Variants in LTBP1 observed in about 807,000 individuals in gnomAD.
The protein encoded by LTBP1 is latent-transforming growth factor beta-binding protein 1.
In LTBP1, 129 loss-of-function variants were observed where a neutral mutation model predicts 207.6. The observed-to-expected ratio is 0.62, with a 90% CI of 0.54 to 0.72. The LOEUF is 0.72. Ranked by LOEUF, LTBP1 falls within the 30% of genes least tolerant of loss-of-function variation. The pLI, the probability that LTBP1 is intolerant of heterozygous loss-of-function variation, is 0.00. For missense variants in LTBP1, 2,281 were observed against 2,217.2 expected (o/e 1.03, Z -0.58); for synonymous variants, 963 against 833.7 (o/e 1.16, Z -2.67).
intron 31 of LTBP1, among the ~76,000 whole-genome samples, chr2:33,380,414 T>TAA (rs147323558): frequency 2.4e-4 from 22 of 92,528 alleles, no homozygotes; most frequent in African/African-American, 9.7e-4. Context: ...CTGTTTCTAC[T>TAA]AAAAAAATAC....
chr2:33,312,161 C>T (rs1413384075), intron 23 of LTBP1, among the ~76,000 whole-genome samples: 2 of 152,190 alleles, frequency 1.3e-5, no homozygotes, highest in Non-Finnish European at 1.5e-5. Context: ...TCTCTAATCC[C>T]TTGATCATGT....
chr2:33,294,652 C>T (rs1396312406), intron 20 of LTBP1, among the ~76,000 whole-genome samples: 2 of 145,026 alleles, frequency 1.4e-5, no homozygotes, highest in Admixed American at 1.4e-4. Context: ...GATCTTGGCT[C>T]ACTGCAACCT....
intron 24 of LTBP1, among the ~76,000 whole-genome samples, chr2:33,330,752 C>G (rs1182091473): frequency 1.4e-5 from 2 of 146,204 alleles, no homozygotes; most frequent in East Asian, 2.0e-4. Context: ...TACAGGGACC[C>G]AGACAATATC....
In LTBP1 at chr2:32,947,596, G is replaced by A; in HGVS notation, c.272G>A (p.Gly91Asp). The change falls in exon 1 of 34, where the codon GGC (glycine) becomes GAC (aspartate). Residue 91 changes from glycine to aspartate, a missense_variant. Physicochemically the swap from Gly to Asp is moderately conservative, Grantham distance 94. Around this residue, in one of 3 missense-constraint regions of LTBP1, gnomAD observed 555 missense variants for 491.0 expected, o/e 1.13. Coordinates refer to ENST00000404816, the MANE Select transcript of LTBP1 (RefSeq NM_206943.4). ...AGGACCCGGCGCACGAGCAAGCCGGGCGGCGCGGCCCTGCAGGGGCTCAGA... is the reference window on the plus strand; with the variant it reads ...AGGACCCGGCGCACGAGCAAGCCGGACGGCGCGGCCCTGCAGGGGCTCAGA... ...SERTRRTSKPGGAALQGLRPP... is the reference protein window; with the variant it reads ...SERTRRTSKPDGAALQGLRPP... 2.3e-6 allele frequency: 3 copies of A among 1,311,854 alleles called. No homozygotes were observed. The highest frequency in any genetic ancestry group is 2.9e-6 in the Non-Finnish European group (3 of 1,034,878). The allele number at this position is 1,311,854 out of a possible 1,614,324, so 81.3% of individuals were successfully genotyped here. A position where few individuals can be genotyped will look rare whatever the true frequency, so the allele number is the denominator to read the frequency against.
At chr2:33,228,697 C>CTTTTTT (rs1244221993) in intron 9 of LTBP1, among the ~76,000 whole-genome samples, 2,755 of 98,862 alleles carry the variant, frequency 0.028, 560 homozygotes, top group Middle Eastern at 0.11. Context: ...GGGTTATACC[C>CTTTTTT]TTTTTTTTTT....
intron 9 of LTBP1, among the ~76,000 whole-genome samples, chr2:33,234,885 A>G (rs1486023250): frequency 6.6e-6 from 1 of 152,174 alleles, no homozygotes; most frequent in Non-Finnish European, 1.5e-5. Context: ...CTCACACATT[A>G]TACAAAAATT....
At chr2:33,168,356 A>G (rs1456614363) in intron 5 of LTBP1, among the ~76,000 whole-genome samples, 1 of 150,154 alleles carries the variant, frequency 6.7e-6, no homozygotes, top group East Asian at 2.0e-4. Flanking sequence ...ACTGCACTCT[A>G]GCCTGAGGGA....
chr2:33,212,227 G>A (rs1054156640), intron 7 of LTBP1, among the ~76,000 whole-genome samples: 2 of 152,204 alleles, frequency 1.3e-5, no homozygotes, highest in Admixed American at 1.3e-4. Context: ...AGTGTTCCAG[G>A]AATCATGACC....
At chr2:33,342,099 C>A (rs2094634293) in intron 24 of LTBP1, among the ~76,000 whole-genome samples, 1 of 152,060 alleles carries the variant, frequency 6.6e-6, no homozygotes. Flanking sequence ...AAGAAGAATT[C>A]TATCTAAAAG....
At chr2:33,043,370 G>A (rs947070523) in intron 3 of LTBP1, among the ~76,000 whole-genome samples, 5 of 151,728 alleles carry the variant, frequency 3.3e-5, no homozygotes, top group Non-Finnish European at 5.9e-5. Flanking sequence ...TCCTGATTAT[G>A]TAACTATAAT....
At chr2:33,150,438 C>G (rs1481184738) in intron 5 of LTBP1, among the ~76,000 whole-genome samples, 1 of 152,018 alleles carries the variant, frequency 6.6e-6, no homozygotes, top group Non-Finnish European at 1.5e-5. Flanking sequence ...ATTATTTAAG[C>G]TGTTTTTAAA....
chr2:32,959,597 G>GTATGTGTATA (rs1553344613), intron 2 of LTBP1, among the ~76,000 whole-genome samples: 12 of 58,324 alleles, frequency 2.1e-4, no homozygotes, highest in African/African-American at 5.4e-4. Context: ...ATATGTACGT[G>GTATGTGTATA]TATATATATA....
chr2:33,309,335 A>ATTTAT, intron 22 of LTBP1, 99 bp from the exon 23 acceptor site: 2 of 767,528 alleles, frequency 2.6e-6, no homozygotes, highest in Admixed American at 6.8e-5. Context: ...TATGTATTAT[A>ATTTAT]AATGATGTAA....
rs571184242 is a variant in LTBP1 at position 32,947,787 on chromosome 2, C to T, written c.463C>T (p.Leu155=). 4.3e-5 allele frequency: 64 copies of T among 1,487,220 alleles called. No individual in the cohort carries two copies. Among genetic ancestry groups the T allele is most frequent in the Non-Finnish European group, 5.7e-5 (64 of 1,115,118 alleles). The allele number at this position is 1,487,220 out of a possible 1,614,324, so 92.1% of individuals were successfully genotyped here. A position where few individuals can be genotyped will look rare whatever the true frequency, so the allele number is the denominator to read the frequency against. The change falls in exon 1 of 34, where the codon CTG becomes TTG. Residue 155 remains leucine, a synonymous_variant. Transcript: ENST00000404816. The part of the protein sequence containing the change: ...QETQSGGGSR[L]QVHQKQQLQG... ...GACCCAGAGCGGCGGAGGCTCTAGG[C>T]TGCAGGTTCACCAGAAGCAGCAGCT...
intron 32 of LTBP1, among the ~76,000 whole-genome samples, chr2:33,395,170 C>T (rs751619599): frequency 2.9e-4 from 44 of 152,142 alleles, no homozygotes; most frequent in Non-Finnish European, 4.9e-4. Context: ...GTTGGGTATG[C>T]CATTCTACAT....
intron 3 of LTBP1, among the ~76,000 whole-genome samples, chr2:33,076,977 G>A (rs62133288): frequency 0.021 from 3,171 of 152,314 alleles, 39 homozygotes; most frequent in Middle Eastern, 0.031. Flanking sequence ...ACTGTAAGTG[G>A]TTAGGAAAGA....
Position 33,293,848 on chromosome 2 carries a change from C to G in LTBP1, c.3235+566C>G, listed in dbSNP as rs538376483. 3.3e-5 allele frequency among the ~76,000 whole-genome samples: 5 copies of G among 152,044 alleles called. No homozygotes were observed. The South Asian group carries it at 1.0e-3, about 32-fold the overall frequency. ...ATACCTACCATAAGTGTTTTACATTCCATTCATAACTTTTTTTCAAACGTT... is the reference window on the plus strand; with the variant it reads ...ATACCTACCATAAGTGTTTTACATTGCATTCATAACTTTTTTTCAAACGTT... On this transcript the variant is annotated intron_variant, in intron 20 of 33. Transcript: ENST00000404816.
chr2:33,355,043 T>C lies in LTBP1; in HGVS notation c.4001-5554T>C, dbSNP rs1227731907. ...TTGGATCCTAGAACTTGCTATAAAC[T>C]AAACCTGACGAGGAATGGTTTGTAC... On this transcript the variant is annotated intron_variant, in intron 26 of 33. Coordinates refer to ENST00000404816, the MANE Select transcript of LTBP1 (RefSeq NM_206943.4). Among the ~76,000 whole-genome samples, 8 of 152,336 alleles carry C rather than the reference T, an allele frequency of 5.3e-5. No homozygotes were observed. The South Asian group carries it at 1.7e-3, about 32-fold the overall frequency.
At chr2:33,325,056 A>T (rs553019631) in intron 24 of LTBP1, among the ~76,000 whole-genome samples, 27 of 152,200 alleles carry the variant, frequency 1.8e-4, no homozygotes, top group Non-Finnish European at 3.1e-4. Flanking sequence ...ATAGTGTAGT[A>T]ATTCATTTAT....
Sources: gnomAD v4.1 joint callset for allele counts (sites outside exome capture counted in the v4.1 genomes callset) on GRCh38, gnomAD v4.1.1 for gene constraint, gnomAD v4.1.1 regional missense constraint, MANE v1.5 for transcripts, NCBI Gene and HGNC (gene_info 2026-07-23, HGNC 2026-07-21) for gene names.